The following SRC variants were observed in gnomAD, a reference collection of about 807,000 sequenced individuals.
SRC encodes SRC proto-oncogene, non-receptor tyrosine kinase.
A neutral mutation model predicts 62.9 loss-of-function variants in SRC; 13 were observed. That is an observed-to-expected ratio of 0.21 (90% CI 0.13 to 0.33). The LOEUF is 0.33. Among genes scored for constraint, SRC ranks in the 10% least tolerant of loss-of-function variants. The probability of loss-of-function intolerance (pLI) is 1.00; values close to 1 mark genes in which losing one functional copy is unlikely to be tolerated. For missense variants in SRC, 457 were observed against 737.3 expected (o/e 0.62, Z 4.40); for synonymous variants, 302 against 317.5 (o/e 0.95, Z 0.52).
intron 2 of SRC, among the ~76,000 whole-genome samples, chr20:37,368,809 C>T (rs1478732386): frequency 6.6e-6 from 1 of 151,946 alleles, no homozygotes; most frequent in Non-Finnish European, 1.5e-5. Flanking sequence ...CCTCGGCCTC[C>T]CAAAGTGCTG....
intron 5 of SRC, among the ~76,000 whole-genome samples, chr20:37,392,764 C>T (rs527619071): frequency 1.3e-5 from 2 of 152,270 alleles, no homozygotes; most frequent in South Asian, 4.1e-4. Flanking sequence ...CCTCTCCTCA[C>T]TCCCTGTGGA....
chr20:37,379,083 C>T (rs997285123), intron 2 of SRC, among the ~76,000 whole-genome samples: 1 of 152,088 alleles, frequency 6.6e-6, no homozygotes, highest in East Asian at 1.9e-4. Context: ...GCTCAAGGCA[C>T]TGGGAACGCC....
At position 37,384,202 on chromosome 20, in the gene SRC, A is replaced by G; in HGVS notation, c.49A>G (p.Ser17Gly). Residue 17 changes from serine (S) to glycine (G), a missense_variant, in exon 4 of 14, where the codon AGC becomes GGC. Around this residue, in one of 4 missense-constraint regions of SRC, gnomAD observed 132 missense variants for 135.4 expected, o/e 0.98. Transcript: ENST00000373578. The surrounding 1 kb of genome is among the most constrained non-coding windows in gnomAD (Gnocchi z 6.7). ...KPKDASQRRR[S>G]LEPAENVHGA... ...CAAGGATGCCAGCCAGCGGCGCCGCAGCCTGGAGCCCGCCGAGAACGTGCA... is the reference window on the plus strand; with the variant it reads ...CAAGGATGCCAGCCAGCGGCGCCGCGGCCTGGAGCCCGCCGAGAACGTGCA... 6.3e-7 allele frequency: 1 copy of G among 1,596,196 alleles called. No individual in the cohort carries two copies.
At chr20:37,356,644 G>A (rs75190223) in intron 1 of SRC, among the ~76,000 whole-genome samples, 2,739 of 152,248 alleles carry the variant, frequency 0.018, 84 homozygotes, top group African/African-American at 0.063. Context: ...TTCCCAAGGC[G>A]CCTGGGGCAT....
rs536060536 is a variant in SRC at position 37,370,963 on chromosome 20, TTTC to T, written c.-173+5713_-173+5715del. Among the ~76,000 whole-genome samples, 1,133 of 147,366 alleles carry T rather than the reference TTTC, an allele frequency of 7.7e-3. 11 individuals carry two copies. The highest frequency in any genetic ancestry group is 0.048 in the Middle Eastern group (14 of 290). ...GCTTTAGATTTATTTGAATTTTCTATTTCTTCTTCTTCTTCTTCTTCTTCTTCT... is the reference window on the plus strand; with the variant it reads ...GCTTTAGATTTATTTGAATTTTCTATTTCTTCTTCTTCTTCTTCTTCTTCT... On this transcript the variant is annotated intron_variant, in intron 2 of 13. Coordinates refer to ENST00000373578, the MANE Select transcript of SRC (RefSeq NM_198291.3).
chr20:37,386,354 G>T (rs556183705), intron 5 of SRC, 180 bp downstream of exon 5: 3 of 729,996 alleles, frequency 4.1e-6, no homozygotes, highest in African/African-American at 1.7e-5. Flanking sequence ...ACCTGCTGTT[G>T]CTCCCCCAGC....
chr20:37,399,319 G>C (rs567414396), intron 9 of SRC, among the ~76,000 whole-genome samples: 90 of 152,236 alleles, frequency 5.9e-4, no homozygotes, highest in South Asian at 2.1e-3. Context: ...GTCTCATTTT[G>C]GGGGGCGGGT....
chr20:37,356,682 G>A (rs899655415), intron 1 of SRC, among the ~76,000 whole-genome samples: 4 of 152,192 alleles, frequency 2.6e-5, no homozygotes, highest in African/African-American at 9.7e-5. Context: ...GTTAGGGCCC[G>A]GCCTCCCTTC....
chr20:37,376,004 G>A (rs2070270808), intron 2 of SRC, among the ~76,000 whole-genome samples: 1 of 152,164 alleles, frequency 6.6e-6, no homozygotes, highest in South Asian at 2.1e-4. Context: ...TATGACTTAT[G>A]TAAACCTAAT....
Position 37,397,794 on chromosome 20 carries a change from C to T in SRC, c.799C>T (p.Arg267Trp). 1.2e-6 allele frequency: 2 copies of T among 1,612,434 alleles called. No individual in the cohort carries two copies. The highest frequency in any genetic ancestry group is 1.7e-6 in the Non-Finnish European group (2 of 1,179,810). The change falls in exon 9 of 14, where the codon CGG (arginine) becomes TGG (tryptophan). Residue 267 changes from arginine to tryptophan, a missense_variant. Arg to Trp is a moderately radical substitution (Grantham distance 101, BLOSUM62 -3). Coordinates refer to ENST00000373578, the MANE Select transcript of SRC (RefSeq NM_198291.3). The surrounding 1 kb of genome is among the most constrained non-coding windows in gnomAD (Gnocchi z 4.1). ...GLAKDAWEIP[R>W]ESLRLEVKLG... is the part of the protein sequence containing the mutation. ...GGCCAAGGATGCCTGGGAGATCCCTCGGGAGTCGCTGCGGCTGGAGGTCAA... is the reference window on the plus strand; with the variant it reads ...GGCCAAGGATGCCTGGGAGATCCCTTGGGAGTCGCTGCGGCTGGAGGTCAA...
At chr20:37,385,562 G>A (rs1266896778) in intron 4 of SRC, among the ~76,000 whole-genome samples, 2 of 151,888 alleles carry the variant, frequency 1.3e-5, no homozygotes, top group African/African-American at 4.8e-5. Context: ...GTGGAAGGGG[G>A]TACGGGGGCC....
intron 5 of SRC, among the ~76,000 whole-genome samples, chr20:37,392,429 C>A (rs1271735069): frequency 6.6e-6 from 1 of 152,152 alleles, no homozygotes; most frequent in Non-Finnish European, 1.5e-5. Flanking sequence ...GCCAGGGATC[C>A]AGGTTCATGT....
intron 2 of SRC, among the ~76,000 whole-genome samples, chr20:37,370,167 G>T (rs2070139599): frequency 6.6e-6 from 1 of 152,212 alleles, no homozygotes; most frequent in Admixed American, 6.5e-5. Flanking sequence ...TTTTTGTCAT[G>T]AAGGAGTGTT....
At chr20:37,391,464 A>G (rs1002560806) in intron 5 of SRC, among the ~76,000 whole-genome samples, 1 of 152,178 alleles carries the variant, frequency 6.6e-6, no homozygotes, top group African/African-American at 2.4e-5. Context: ...TTGAACTGAA[A>G]GATCTCAGAG....
intron 5 of SRC, 25 bp downstream of exon 5, chr20:37,386,199 C>G (rs752173700): frequency 6.2e-7 from 1 of 1,608,178 alleles, no homozygotes; most frequent in Non-Finnish European, 8.5e-7. Context: ...CCCTATTGCC[C>G]CTCAGGGCTG....
At chr20:37,373,268 G>GCACACA (rs10535931) in intron 2 of SRC, among the ~76,000 whole-genome samples, 2 of 149,944 alleles carry the variant, frequency 1.3e-5, no homozygotes, top group Non-Finnish European at 1.5e-5. Context: ...ATGTACATAC[G>GCACACA]CACACACACA....
Position 37,384,964 on chromosome 20 carries a change from G to GT in SRC, c.250+563dup, listed in dbSNP as rs1473765630. On this transcript the variant is annotated intron_variant, in intron 4 of 13. Transcript: ENST00000373578. The surrounding 1 kb of genome is among the most constrained non-coding windows in gnomAD (Gnocchi z 6.7). ...AGACTTCACTCCTTCACTCAGACCC[G>GT]TTCACTCTCCCCACAGGCACACGCT... Among the ~76,000 whole-genome samples the GT allele has an allele frequency of 6.6e-6, 1 of 152,140 alleles. No homozygotes were observed. The highest frequency in any genetic ancestry group is 2.4e-5 in the African/African-American group (1 of 41,436).
rs866751215 is a variant in SRC at position 37,366,451 on chromosome 20, A to G, written c.-173+1174A>G. Among the ~76,000 whole-genome samples the G allele has an allele frequency of 5.3e-5, 8 of 152,356 alleles. No individual in the cohort carries two copies. The South Asian group carries it at 8.3e-4, about 16-fold the overall frequency. On this transcript the variant is annotated intron_variant, in intron 2 of 13. Coordinates refer to ENST00000373578, the MANE Select transcript of SRC (RefSeq NM_198291.3). ...TTTAGTAGAGTCACGGAATTGTACA[A>G]TCGTCACCACAGTCAAATTTAGAAC...
chr20:37,365,734 G>A (rs2070053649), intron 2 of SRC, among the ~76,000 whole-genome samples: 1 of 152,072 alleles, frequency 6.6e-6, no homozygotes, highest in Non-Finnish European at 1.5e-5. Flanking sequence ...GCAGGCACAT[G>A]CACCACACCC....
Sources: gnomAD v4.1 joint callset for allele counts (sites outside exome capture counted in the v4.1 genomes callset) on GRCh38, gnomAD v4.1.1 for gene constraint, gnomAD v4.1.1 regional missense constraint, Gnocchi (gnomAD v3.1) non-coding constraint, MANE v1.5 for transcripts, NCBI Gene and HGNC (gene_info 2026-07-23, HGNC 2026-07-21) for gene names.